Variants in EPB41L1 observed in about 807,000 individuals in gnomAD.
EPB41L1 encodes erythrocyte membrane protein band 4.1 like 1.
A neutral mutation model predicts 97.8 loss-of-function variants in EPB41L1; 29 were observed. The observed-to-expected ratio is 0.30, with a 90% CI of 0.22 to 0.40. EPB41L1 has a LOEUF of 0.40. EPB41L1 is among the 10% of genes least tolerant of loss of function. The probability of loss-of-function intolerance (pLI) is 1.00; values close to 1 mark genes in which losing one functional copy is unlikely to be tolerated. For synonymous variants in EPB41L1, 383 were observed against 459.2 expected (o/e 0.83, Z 2.12); for missense variants, 812 against 1,162.3 (o/e 0.70, Z 4.38).
intron 1 of EPB41L1, among the ~76,000 whole-genome samples, chr20:36,163,600 A>G (rs1433358599): frequency 6.6e-6 from 1 of 152,188 alleles, no homozygotes; most frequent in African/African-American, 2.4e-5. Context: ...GGAGATGTTA[A>G]TAAAGATGTG....
chr20:36,098,223 C>A (rs1019477532), intron 1 of EPB41L1, among the ~76,000 whole-genome samples: 3 of 152,108 alleles, frequency 2.0e-5, no homozygotes, highest in Admixed American at 6.5e-5. Flanking sequence ...GCCTCTGGGT[C>A]CTCTTTAACC....
At position 36,207,776 on chromosome 20, in the gene EPB41L1, C is replaced by A; in HGVS notation, c.1669-1712C>A. ...ACCACGCTGGCAGAAGCTACTGGAA[C>A]TGGGGTAACTGGCCGCGTGAGCCCC... On this transcript the variant is annotated intron_variant, in intron 14 of 21. Transcript: ENST00000338074. The surrounding 1 kb of genome is among the most constrained non-coding windows in gnomAD (Gnocchi z 4.9). 1 of 1,287,796 alleles carries A rather than the reference C, an allele frequency of 7.8e-7. No homozygotes were observed. Among genetic ancestry groups the A allele is most frequent in the South Asian group, 1.2e-5 (1 of 80,874 alleles). 79.8% of individuals were successfully genotyped at this position (1,287,796 alleles called of 1,614,324 possible). A position where few individuals can be genotyped will look rare whatever the true frequency, so the allele number is the denominator to read the frequency against.
At chr20:36,141,200 G>C (rs1265005874) in intron 2 of EPB41L1, among the ~76,000 whole-genome samples, 1 of 152,038 alleles carries the variant, frequency 6.6e-6, no homozygotes, top group Non-Finnish European at 1.5e-5. Context: ...TATGACCTTT[G>C]GCAAGTGTTG....
chr20:36,131,717 G>A (rs2059216963), intron 2 of EPB41L1, among the ~76,000 whole-genome samples: 1 of 152,178 alleles, frequency 6.6e-6, no homozygotes, highest in African/African-American at 2.4e-5. Context: ...CCTAGAGAGA[G>A]GAAGGGGCTG....
intron 21 of EPB41L1, among the ~76,000 whole-genome samples, chr20:36,225,309 TCA>T (rs1491397516): frequency 6.6e-6 from 1 of 152,162 alleles, no homozygotes; most frequent in East Asian, 1.9e-4. Flanking sequence ...CTCCCAAATC[TCA>T]GAGTGGTAGA....
At position 36,194,380 on chromosome 20, in the gene EPB41L1, A is replaced by G. The variant is rs200506104; in HGVS notation, c.1449+20A>G. On this transcript the variant is annotated intron_variant, in intron 12 of 21. Transcript: ENST00000338074. ...CTAAAGGTAGGAGCCTGGCTTTCTCATACTCTCTGCCCTGGGGATCAGGAG... is the reference window on the plus strand; with the variant it reads ...CTAAAGGTAGGAGCCTGGCTTTCTCGTACTCTCTGCCCTGGGGATCAGGAG... 1 of 1,589,060 alleles carries G rather than the reference A, an allele frequency of 6.3e-7. No individual in the cohort carries two copies. The highest frequency in any genetic ancestry group is 8.6e-7 in the Non-Finnish European group (1 of 1,167,794).
intron 2 of EPB41L1, among the ~76,000 whole-genome samples, chr20:36,138,563 G>T (rs2147808749): frequency 6.6e-6 from 1 of 152,300 alleles, no homozygotes; most frequent in South Asian, 2.1e-4. Flanking sequence ...CATCCAGCCA[G>T]CACATTTTTT....
chr20:36,204,751 C>T (rs776420748), intron 14 of EPB41L1, among the ~76,000 whole-genome samples: 23 of 152,068 alleles, frequency 1.5e-4, no homozygotes, highest in Non-Finnish European at 2.9e-4. Context: ...AAGCAATTCT[C>T]CTGCCTCAGC....
upstream of EPB41L1, among the ~76,000 whole-genome samples, chr20:36,153,539 G>A (rs1306907778): frequency 6.6e-6 from 1 of 152,174 alleles, no homozygotes; most frequent in Admixed American, 6.5e-5. Context: ...TGAGGGTGGT[G>A]ACTGGGGGTT....
At chr20:36,100,250 T>C (rs1015787898) in intron 1 of EPB41L1, among the ~76,000 whole-genome samples, 1 of 152,216 alleles carries the variant, frequency 6.6e-6, no homozygotes, top group African/African-American at 2.4e-5. Context: ...AGGCCCCTCC[T>C]TGGCCCCTTG....
chr20:36,174,242 C>T (rs376874907), intron 2 of EPB41L1, among the ~76,000 whole-genome samples: 25 of 151,934 alleles, frequency 1.6e-4, no homozygotes, highest in Non-Finnish European at 2.6e-4. Context: ...CGTGCACCAC[C>T]GCACCTGGCT....
At chr20:36,130,624 T>A (rs980891279) in intron 2 of EPB41L1, among the ~76,000 whole-genome samples, 33 of 152,114 alleles carry the variant, frequency 2.2e-4, no homozygotes, top group Admixed American at 2.0e-3. Flanking sequence ...TCTCTTGGGG[T>A]GAAGACCCAG....
chr20:36,228,077 A>G (rs1569398912), intron 21 of EPB41L1, among the ~76,000 whole-genome samples: 1 of 152,256 alleles, frequency 6.6e-6, no homozygotes, highest in Admixed American at 6.5e-5. Flanking sequence ...TATGTGTCAA[A>G]TGAGCCAAGA....
At chr20:36,217,805 C>T (rs191902398) in intron 17 of EPB41L1, among the ~76,000 whole-genome samples, 14 of 152,162 alleles carry the variant, frequency 9.2e-5, no homozygotes, top group Admixed American at 6.5e-4. Flanking sequence ...GGTGTGGGAG[C>T]GGCAGGGGAA....
chr20:36,119,124 A>T (rs758043300), intron 2 of EPB41L1, among the ~76,000 whole-genome samples: 16 of 152,230 alleles, frequency 1.1e-4, no homozygotes, highest in Non-Finnish European at 2.1e-4. Context: ...GGAGACTGGG[A>T]TGAAGAACCA....
chr20:36,135,793 T>A (rs2059394941), intron 2 of EPB41L1, among the ~76,000 whole-genome samples: 1 of 152,218 alleles, frequency 6.6e-6, no homozygotes, highest in African/African-American at 2.4e-5. Context: ...GATCCTTTAC[T>A]GTTTCCTTGA....
chr20:36,213,522 G>A (rs2063262576), intron 16 of EPB41L1, among the ~76,000 whole-genome samples: 2 of 151,978 alleles, frequency 1.3e-5, no homozygotes, highest in African/African-American at 2.4e-5. Flanking sequence ...TCTACTACAG[G>A]TCAGGACTCT....
At chr20:36,123,865 C>T (rs1365954757) in intron 2 of EPB41L1, among the ~76,000 whole-genome samples, 2 of 152,234 alleles carry the variant, frequency 1.3e-5, no homozygotes, top group Non-Finnish European at 2.9e-5. Flanking sequence ...ACCTATGTGC[C>T]AGTGCTATGC....
intron 16 of EPB41L1, among the ~76,000 whole-genome samples, chr20:36,213,722 A>G (rs541251146): frequency 3.9e-4 from 59 of 152,356 alleles, no homozygotes; most frequent in African/African-American, 1.3e-3. Context: ...TTATAGTTAT[A>G]CAATTCAAGC....
Sources: gnomAD v4.1 joint callset for allele counts (sites outside exome capture counted in the v4.1 genomes callset) on GRCh38, gnomAD v4.1.1 for gene constraint, Gnocchi (gnomAD v3.1) non-coding constraint, MANE v1.5 for transcripts, NCBI Gene and HGNC (gene_info 2026-07-23, HGNC 2026-07-21) for gene names.